Variants in ACTL7A observed in about 807,000 individuals in gnomAD.
ACTL7A encodes the protein actin like 7A.
Under a neutral mutation model 30.3 loss-of-function variants are expected in ACTL7A, and 27 were observed. That is an observed-to-expected ratio of 0.89 (90% CI 0.66 to 1.23). The LOEUF (loss-of-function observed/expected upper bound fraction) is 1.23. ACTL7A is among the 50% of genes most tolerant of loss of function. The pLI, the probability that ACTL7A is intolerant of heterozygous loss-of-function variation, is 0.00. For missense variants in ACTL7A, 566 were observed against 571.8 expected (o/e 0.99, Z 0.10); for synonymous variants, 259 against 241.4 (o/e 1.07, Z -0.67).
rs570985989 is a variant in ACTL7A at position 108,862,445 on chromosome 9, C to A, written c.123C>A (p.Ala41=). ...TAAGGGATGGCCCGGCGAAGCGGGC[C>A]GTGTGGGTCCGCCATACGAGTTCAG... ...ASLRDGPAKR[A]VWVRHTSSEP... The change falls in exon 1 of 1, where the codon GCC becomes GCA. Residue 41 remains alanine (A), a synonymous_variant. Transcript: ENST00000333999. 3.2e-5 allele frequency: 52 copies of A among 1,614,094 alleles called. 1 individual carries two copies. In the South Asian group the frequency reaches 5.2e-4, roughly 16 times the overall value.
At position 108,863,669 on chromosome 9, in the gene ACTL7A, C is replaced by G; in HGVS notation, c.*39C>G. 1 of 1,560,164 alleles carries G rather than the reference C, an allele frequency of 6.4e-7. No individual in the cohort carries two copies. The highest frequency in any genetic ancestry group is 8.7e-7 in the Non-Finnish European group (1 of 1,149,698). On this transcript the variant is annotated 3_prime_UTR_variant, in exon 1 of 1. Coordinates refer to ENST00000333999, the MANE Select transcript of ACTL7A (RefSeq NM_006687.4). ...TGGACACTGCACTGGCAGTGCCTACCCTCGACAGGGTGAGCGCACTCCTAC... is the reference window on the plus strand; with the variant it reads ...TGGACACTGCACTGGCAGTGCCTACGCTCGACAGGGTGAGCGCACTCCTAC...
chr9:108,863,587 A>G lies in ACTL7A; in HGVS notation c.1265A>G (p.Tyr422Cys), dbSNP rs1827202704. 1 of 1,613,506 alleles carries G rather than the reference A, an allele frequency of 6.2e-7. No homozygotes were observed. Among genetic ancestry groups the G allele is most frequent in the African/African-American group, 1.3e-5 (1 of 74,912 alleles). Reference protein sequence around the residue: ...FQPLWVHRFEYEEHGPFFLYR... With the variant: ...FQPLWVHRFECEEHGPFFLYR... ...CCATTGTGGGTCCACCGCTTTGAGT[A>G]CGAGGAACACGGGCCTTTCTTCCTC... Residue 422 changes from tyrosine to cysteine, a missense_variant, in exon 1 of 1, where the codon TAC becomes TGC. Physicochemically the swap from Tyr to Cys is radical, Grantham distance 194. Transcript: ENST00000333999.
chr9:108,862,509 A>T lies in ACTL7A; in HGVS notation c.187A>T (p.Arg63Trp). 1.2e-6 allele frequency: 2 copies of T among 1,613,488 alleles called. No individual in the cohort carries two copies. The highest frequency in any genetic ancestry group is 1.7e-6 in the Non-Finnish European group (2 of 1,179,952). The change falls in exon 1 of 1, where the codon AGG becomes TGG. Residue 63 changes from arginine (R) to tryptophan (W), a missense_variant. Transcript: ENST00000333999. ...EPTESKAAKE[R>W]PKQEVTKAVV... ...TACTGAATCAAAGGCAGCCAAGGAG[A>T]GGCCCAAGCAGGAGGTGACCAAAGC...
Position 108,862,999 on chromosome 9 carries a change from T to G in ACTL7A, c.677T>G (p.Val226Gly). The change falls in exon 1 of 1, where the codon GTG (valine) becomes GGG (glycine). Residue 226 changes from valine to glycine, a missense_variant. Val to Gly is a moderately radical substitution (Grantham distance 109, BLOSUM62 -3). Transcript: ENST00000333999. The part of the protein sequence containing the change: ...VVEVGHGVSY[V>G]VPIYEGYPLP... ...GAGGTGGGCCATGGCGTGTCCTACG[T>G]GGTCCCCATCTACGAGGGTTATCCT... The G allele has an allele frequency of 1.2e-6, 2 of 1,612,316 alleles. No individual in the cohort carries two copies. Among genetic ancestry groups the G allele is most frequent in the Non-Finnish European group, 1.7e-6 (2 of 1,178,952 alleles).
chr9:108,863,418 A>T lies in ACTL7A; in HGVS notation c.1096A>T (p.Met366Leu). Reference sequence around the variant, plus strand: ...CATCCTGCTCTGCGGGGGCAGCACGATGCTCAGTGGCTTCCCTAACCGTCT... The same window carrying T: ...CATCCTGCTCTGCGGGGGCAGCACGTTGCTCAGTGGCTTCCCTAACCGTCT... ...GNILLCGGSTMLSGFPNRLQK... is the reference protein window; with the variant it reads ...GNILLCGGSTLLSGFPNRLQK... Residue 366 changes from methionine (M) to leucine (L), a missense_variant, in exon 1 of 1, where the codon ATG becomes TTG. Physicochemically the swap from Met to Leu is conservative, Grantham distance 15. Transcript: ENST00000333999. The T allele has an allele frequency of 2.5e-6, 4 of 1,614,154 alleles. No homozygotes were observed. Among genetic ancestry groups the T allele is most frequent in the Non-Finnish European group, 3.4e-6 (4 of 1,180,012 alleles).
rs1177819404 is a variant in ACTL7A at position 108,863,066 on chromosome 9, C to CCTGA, written c.746_749dup (p.Ala251AspfsTer39). On this transcript the variant is annotated frameshift_variant, in exon 1 of 1. Transcript: ENST00000333999. LOFTEE classifies it high-confidence loss of function. ...GAAGGCTGGACTACGCGGGCTCTGA[C>CCTGA]CTGACAGCCTACCTGCTGGGCCTGC... 6 of 1,614,044 alleles carry CCTGA rather than the reference C, an allele frequency of 3.7e-6. No individual in the cohort carries two copies. The highest frequency in any genetic ancestry group is 5.1e-6 in the Non-Finnish European group (6 of 1,180,058).
rs748561822 is a variant in ACTL7A, at chr9:108,863,133, A to G, written c.811A>G (p.Ile271Val). 1 of 1,614,148 alleles carries G rather than the reference A, an allele frequency of 6.2e-7. No individual in the cohort carries two copies. Among genetic ancestry groups the G allele is most frequent in the Non-Finnish European group, 8.5e-7 (1 of 1,180,014 alleles). The change falls in exon 1 of 1, where the codon ATC becomes GTC. Residue 271 changes from isoleucine to valine, a missense_variant. Transcript: ENST00000333999. ...CGAATTCACCCAGGACCAGATGGGC[A>G]TCGTGGAGGACATCAAGAAGAAATG... is the stretch of plus-strand genomic sequence containing the variant. ...GNEFTQDQMG[I>V]VEDIKKKCCF...
At position 108,862,348 on chromosome 9, in the gene ACTL7A, T is replaced by TG; in HGVS notation, c.31dup (p.Asp11GlyfsTer46). The TG allele has an allele frequency of 6.2e-7, 1 of 1,612,220 alleles. No individual in the cohort carries two copies. Among genetic ancestry groups the TG allele is most frequent in the African/African-American group, 1.3e-5 (1 of 74,884 alleles). Reference sequence around the variant, plus strand: ...ATGTGGGCTCCACCAGCAGCAATCATGGGGGATGGGCCCACCAAGAAGGTG... The same window carrying TG: ...ATGTGGGCTCCACCAGCAGCAATCATGGGGGGATGGGCCCACCAAGAAGGTG... On this transcript the variant is annotated frameshift_variant, in exon 1 of 1. Coordinates refer to ENST00000333999, the MANE Select transcript of ACTL7A (RefSeq NM_006687.4). LOFTEE classifies it high-confidence loss of function.
rs770788513 is a variant in ACTL7A, at chr9:108,862,748, C to A, written c.426C>A (p.Asp142Glu). The A allele has an allele frequency of 6.2e-7, 1 of 1,614,174 alleles. No homozygotes were observed. Among genetic ancestry groups the A allele is most frequent in the Non-Finnish European group, 8.5e-7 (1 of 1,180,040 alleles). The change falls in exon 1 of 1, where the codon GAC becomes GAA. Residue 142 changes from aspartate (D) to glutamate (E), a missense_variant. By Grantham distance (45) the Asp-to-Glu change is conservative. Coordinates refer to ENST00000333999, the MANE Select transcript of ACTL7A (RefSeq NM_006687.4). ...VNPLRHGIIV[D>E]WDTVQDIWEY... ...CTCTGCGACATGGCATCATCGTGGA[C>A]TGGGATACAGTGCAGGATATCTGGG...
In ACTL7A at chr9:108,863,684, C is replaced by T. The variant is rs557241796; in HGVS notation, c.*54C>T. On this transcript the variant is annotated 3_prime_UTR_variant, in exon 1 of 1. Transcript: ENST00000333999. ...CAGTGCCTACCCTCGACAGGGTGAG[C>T]GCACTCCTACACACAGGGGGTGGAG... 80 of 1,518,706 alleles carry T rather than the reference C, an allele frequency of 5.3e-5. No homozygotes were observed. The East Asian group carries it at 8.2e-4, about 16-fold the overall frequency. 94.1% of individuals were successfully genotyped at this position (1,518,706 alleles called of 1,614,324 possible). A position where few individuals can be genotyped will look rare whatever the true frequency, so the allele number is the denominator to read the frequency against.
Position 108,863,388 on chromosome 9 carries a change from G to A in ACTL7A, c.1066G>A (p.Gly356Arg), listed in dbSNP as rs1306277843. Reference sequence around the variant, plus strand: ...CATCGCCCTCAAACGGGACCTCATGGGGAACATCCTGCTCTGCGGGGGCAG... The same window carrying A: ...CATCGCCCTCAAACGGGACCTCATGAGGAACATCCTGCTCTGCGGGGGCAG... ...CDIALKRDLM[G>R]NILLCGGSTM... The change falls in exon 1 of 1, where the codon GGG becomes AGG. Residue 356 changes from glycine (G) to arginine (R), a missense_variant. Transcript: ENST00000333999. 1.2e-6 allele frequency: 2 copies of A among 1,614,158 alleles called. No individual in the cohort carries two copies. Among genetic ancestry groups the A allele is most frequent in the South Asian group, 2.2e-5 (2 of 91,084 alleles).
chr9:108,863,283 A>T lies in ACTL7A; in HGVS notation c.961A>T (p.Met321Leu), dbSNP rs201879754. ...LCQERFLCSE[M>L]FFKPSLIKSM... ...CCAGGAACGGTTCCTCTGCTCGGAGATGTTCTTCAAGCCATCTCTCATCAA... is the reference window on the plus strand; with the variant it reads ...CCAGGAACGGTTCCTCTGCTCGGAGTTGTTCTTCAAGCCATCTCTCATCAA... The change falls in exon 1 of 1, where the codon ATG becomes TTG. Residue 321 changes from methionine to leucine, a missense_variant. Physicochemically the swap from Met to Leu is conservative, Grantham distance 15. Coordinates refer to ENST00000333999, the MANE Select transcript of ACTL7A (RefSeq NM_006687.4). 11 of 1,613,910 alleles carry T rather than the reference A, an allele frequency of 6.8e-6. No homozygotes were observed. The African/African-American group carries it at 1.5e-4, about 22-fold the overall frequency.
In ACTL7A at chr9:108,863,058, G is replaced by T. The variant is rs1827192204; in HGVS notation, c.736G>T (p.Gly246Cys). 1.2e-6 allele frequency: 2 copies of T among 1,614,126 alleles called. No homozygotes were observed. Among genetic ancestry groups the T allele is most frequent in the Non-Finnish European group, 1.7e-6 (2 of 1,180,038 alleles). Reference protein sequence around the residue: ...PSITGRLDYAGSDLTAYLLGL... With the variant: ...PSITGRLDYACSDLTAYLLGL... ...CATCACCGGAAGGCTGGACTACGCGGGCTCTGACCTGACAGCCTACCTGCT... is the reference window on the plus strand; with the variant it reads ...CATCACCGGAAGGCTGGACTACGCGTGCTCTGACCTGACAGCCTACCTGCT... The change falls in exon 1 of 1, where the codon GGC (glycine) becomes TGC (cysteine). Residue 246 changes from glycine (G) to cysteine (C), a missense_variant. Transcript: ENST00000333999.
In ACTL7A at chr9:108,862,729, G is replaced by A. The variant is rs35339416; in HGVS notation, c.407G>A (p.Arg136Gln). 2.1e-4 allele frequency: 331 copies of A among 1,614,194 alleles called. 1 individual carries two copies. Among genetic ancestry groups the A allele is most frequent in the Non-Finnish European group, 2.7e-4 (314 of 1,180,040 alleles). Reference sequence around the variant, plus strand: ...CATCTCAAGCTGGTTAACCCTCTGCGACATGGCATCATCGTGGACTGGGAT... The same window carrying A: ...CATCTCAAGCTGGTTAACCCTCTGCAACATGGCATCATCGTGGACTGGGAT... ...NVHLKLVNPL[R>Q]HGIIVDWDTV... Residue 136 changes from arginine to glutamine, a missense_variant, in exon 1 of 1, where the codon CGA becomes CAA. Physicochemically the swap from Arg to Gln is conservative, Grantham distance 43. Coordinates refer to ENST00000333999, the MANE Select transcript of ACTL7A (RefSeq NM_006687.4).
Position 108,863,083 on chromosome 9 carries a change from T to C in ACTL7A, c.761T>C (p.Leu254Pro), listed in dbSNP as rs769617223. 1 of 1,614,138 alleles carries C rather than the reference T, an allele frequency of 6.2e-7. No individual in the cohort carries two copies. Among genetic ancestry groups the C allele is most frequent in the South Asian group, 1.1e-5 (1 of 91,078 alleles). Residue 254 changes from leucine to proline, a missense_variant, in exon 1 of 1, where the codon CTG becomes CCG. Leu to Pro is a moderately conservative substitution (Grantham distance 98, BLOSUM62 -3). Transcript: ENST00000333999. ...YAGSDLTAYL[L>P]GLLNSAGNEF... is the part of the protein sequence containing the mutation. ...GGCTCTGACCTGACAGCCTACCTGC[T>C]GGGCCTGCTGAACAGTGCGGGGAAC...
At position 108,863,069 on chromosome 9, in the gene ACTL7A, G is replaced by C; in HGVS notation, c.747G>C (p.Leu249=). Reference sequence around the variant, plus strand: ...GGCTGGACTACGCGGGCTCTGACCTGACAGCCTACCTGCTGGGCCTGCTGA... The same window carrying C: ...GGCTGGACTACGCGGGCTCTGACCTCACAGCCTACCTGCTGGGCCTGCTGA... ...TGRLDYAGSD[L]TAYLLGLLNS... is the part of the protein sequence containing the mutation. Residue 249 remains leucine, a synonymous_variant, in exon 1 of 1, where the codon CTG becomes CTC. Coordinates refer to ENST00000333999, the MANE Select transcript of ACTL7A (RefSeq NM_006687.4). The C allele has an allele frequency of 6.2e-7, 1 of 1,614,120 alleles. No homozygotes were observed. The highest frequency in any genetic ancestry group is 2.2e-5 in the East Asian group (1 of 44,876).
chr9:108,863,672 C>T lies in ACTL7A; in HGVS notation c.*42C>T, dbSNP rs775229445. ...ACACTGCACTGGCAGTGCCTACCCT[C>T]GACAGGGTGAGCGCACTCCTACACA... On this transcript the variant is annotated 3_prime_UTR_variant, in exon 1 of 1. Coordinates refer to ENST00000333999, the MANE Select transcript of ACTL7A (RefSeq NM_006687.4). 7 of 1,552,000 alleles carry T rather than the reference C, an allele frequency of 4.5e-6. No individual in the cohort carries two copies. The highest frequency in any genetic ancestry group is 1.7e-6 in the Non-Finnish European group (2 of 1,143,764).
rs1326250226 is a variant in ACTL7A, at chr9:108,862,846, G to A, written c.524G>A (p.Ser175Asn). 2.5e-6 allele frequency: 4 copies of A among 1,614,020 alleles called. No homozygotes were observed. The East Asian group carries it at 8.9e-5, about 36-fold the overall frequency. ...HAVLVSDPPL[S>N]PHTNREKYAE... is the part of the protein sequence containing the mutation. ...GTCTTGGTTTCAGACCCGCCACTGA[G>A]CCCACACACCAACAGAGAGAAATAT... Residue 175 changes from serine to asparagine, a missense_variant, in exon 1 of 1, where the codon AGC becomes AAC. Transcript: ENST00000333999.
chr9:108,863,332 C>A lies in ACTL7A; in HGVS notation c.1010C>A (p.Thr337Asn), dbSNP rs989169864. The change falls in exon 1 of 1, where the codon ACC becomes AAC. Residue 337 changes from threonine to asparagine, a missense_variant. Thr to Asn is a moderately conservative substitution (Grantham distance 65). Coordinates refer to ENST00000333999, the MANE Select transcript of ACTL7A (RefSeq NM_006687.4). ...AAGTCCATGCAGCTGGGCCTCCACA[C>A]CCAAACCGTGTCCTGCCTTAACAAG... ...LIKSMQLGLH[T>N]QTVSCLNKCD... The A allele has an allele frequency of 1.2e-6, 2 of 1,614,194 alleles. No homozygotes were observed. Among genetic ancestry groups the A allele is most frequent in the Non-Finnish European group, 8.5e-7 (1 of 1,180,034 alleles).
Sources: gnomAD v4.1 joint callset for allele counts on GRCh38, gnomAD v4.1.1 for gene constraint, MANE v1.5 for transcripts, NCBI Gene and HGNC (gene_info 2026-07-23, HGNC 2026-07-21) for gene names.